Variants in NRG3 observed in about 807,000 individuals in gnomAD.
The protein encoded by NRG3 is pro-neuregulin-3, membrane-bound isoform.
A neutral mutation model predicts 66.9 loss-of-function variants in NRG3; 31 were observed. That is an observed-to-expected ratio of 0.46 (90% CI 0.35 to 0.63). The LOEUF is 0.63. NRG3 is among the 20% of genes least tolerant of loss of function. The pLI is 0.00. For missense variants in NRG3, 910 were observed against 878.9 expected (o/e 1.04, Z -0.45); for synonymous variants, 393 against 359.4 (o/e 1.09, Z -1.06).
At chr10:82,212,827 TGC>T (rs2075467087) in intron 1 of NRG3, among the ~76,000 whole-genome samples, 1 of 152,216 alleles carries the variant, frequency 6.6e-6, no homozygotes, top group African/African-American at 2.4e-5. Flanking sequence ...ACATCTGATG[TGC>T]ATTATGAAAC....
Position 82,133,123 on chromosome 10 carries a change from T to C in NRG3, c.824-225616T>C, listed in dbSNP as rs190092397. 3.8e-4 allele frequency among the ~76,000 whole-genome samples: 57 copies of C among 151,884 alleles called. No individual in the cohort carries two copies. In the East Asian group the frequency reaches 0.011, roughly 28 times the overall value. On this transcript the variant is annotated intron_variant, in intron 1 of 8. Transcript: ENST00000372141. ...ATTTTAGATTTTGTTTGTTCTTGCT[T>C]TTCTATTTCTTTAAAATGCATCATT...
intron 1 of NRG3, among the ~76,000 whole-genome samples, chr10:82,243,565 C>T (rs906493771): frequency 6.6e-6 from 1 of 152,086 alleles, no homozygotes; most frequent in Non-Finnish European, 1.5e-5. Flanking sequence ...CTCAAAATGA[C>T]TTTACACTTT....
intron 2 of NRG3, among the ~76,000 whole-genome samples, chr10:82,591,452 T>G (rs1364402387): frequency 2.0e-5 from 3 of 152,202 alleles, no homozygotes; most frequent in Non-Finnish European, 4.4e-5. Flanking sequence ...ATCAACGAGT[T>G]AGTAAAGCTT....
chr10:82,311,652 T>C (rs1262295244), intron 1 of NRG3, among the ~76,000 whole-genome samples: 4 of 152,178 alleles, frequency 2.6e-5, no homozygotes, highest in African/African-American at 4.8e-5. Context: ...TGCTGACCGA[T>C]ATTTACCAAG....
At chr10:82,512,889 T>C (rs1300355260) in intron 2 of NRG3, among the ~76,000 whole-genome samples, 1 of 152,212 alleles carries the variant, frequency 6.6e-6, no homozygotes, top group Non-Finnish European at 1.5e-5. Flanking sequence ...AAGATACCAA[T>C]AATTGTATTT....
chr10:82,425,188 G>A (rs2089343645), intron 2 of NRG3, among the ~76,000 whole-genome samples: 1 of 152,042 alleles, frequency 6.6e-6, no homozygotes, highest in Non-Finnish European at 1.5e-5. Context: ...AGGCCAGCTG[G>A]GGTTACAGTA....
chr10:82,582,292 G>C (rs191360494), intron 2 of NRG3, among the ~76,000 whole-genome samples: 4 of 152,174 alleles, frequency 2.6e-5, no homozygotes, highest in Non-Finnish European at 1.5e-5. Flanking sequence ...AAAATGGGAG[G>C]TAAGGATACA....
intron 2 of NRG3, among the ~76,000 whole-genome samples, chr10:82,480,995 A>G (rs967409214): frequency 2.0e-5 from 3 of 152,088 alleles, no homozygotes; most frequent in African/African-American, 7.2e-5. Context: ...CTCTCTTACT[A>G]TCCAAAGTAT....
chr10:82,355,724 A>T (rs2083732837), intron 1 of NRG3, among the ~76,000 whole-genome samples: 1 of 152,112 alleles, frequency 6.6e-6, no homozygotes, highest in African/African-American at 2.4e-5. Flanking sequence ...CAAGAATAAA[A>T]TTTCACCTCA....
At chr10:82,531,133 C>T (rs1210330589) in intron 2 of NRG3, among the ~76,000 whole-genome samples, 4 of 151,026 alleles carry the variant, frequency 2.6e-5, no homozygotes, top group Admixed American at 1.3e-4. Flanking sequence ...AGTATTTTCT[C>T]AATTAAAGAC....
intron 4 of NRG3, among the ~76,000 whole-genome samples, chr10:82,930,998 A>G (rs1847522074): frequency 6.6e-6 from 1 of 152,188 alleles, no homozygotes; most frequent in South Asian, 2.1e-4. Context: ...GGATGCACTG[A>G]CAGGAGCCTG....
intron 1 of NRG3, among the ~76,000 whole-genome samples, chr10:82,318,291 G>A (rs1353851758): frequency 6.6e-6 from 1 of 152,088 alleles, no homozygotes; most frequent in Non-Finnish European, 1.5e-5. Flanking sequence ...CCAGTTCCCA[G>A]CTTGACCCTT....
At chr10:82,642,072 T>C (rs2050620968) in intron 2 of NRG3, among the ~76,000 whole-genome samples, 2 of 152,154 alleles carry the variant, frequency 1.3e-5, no homozygotes, top group African/African-American at 4.8e-5. Context: ...TGTGCATATT[T>C]TCTAGCTCCC....
intron 2 of NRG3, among the ~76,000 whole-genome samples, chr10:82,400,110 G>A (rs992122747): frequency 2.6e-5 from 4 of 152,004 alleles, no homozygotes; most frequent in East Asian, 1.9e-4. Flanking sequence ...AGAAAGCAAA[G>A]CATAGATAAC....
intron 1 of NRG3, among the ~76,000 whole-genome samples, chr10:82,001,749 G>A (rs1658922446): frequency 6.6e-6 from 1 of 152,094 alleles, no homozygotes; most frequent in African/African-American, 2.4e-5. Flanking sequence ...CCCAAATTAA[G>A]AAGCTAAGAG....
intron 1 of NRG3, among the ~76,000 whole-genome samples, chr10:81,916,149 G>C (rs1845686867): frequency 6.6e-6 from 1 of 152,000 alleles, no homozygotes; most frequent in Non-Finnish European, 1.5e-5. Context: ...GTTCGGACTA[G>C]CCATGTTTCA....
At chr10:82,518,582 T>C (rs1381075271) in intron 2 of NRG3, among the ~76,000 whole-genome samples, 1 of 152,196 alleles carries the variant, frequency 6.6e-6, no homozygotes. Flanking sequence ...ATATTTTATT[T>C]GGCCTTACAC....
chr10:82,260,538 T>C (rs1589504337), intron 1 of NRG3, among the ~76,000 whole-genome samples: 1 of 152,056 alleles, frequency 6.6e-6, no homozygotes, highest in Admixed American at 6.6e-5. Flanking sequence ...CACCAAGAGG[T>C]TTGCCATTTA....
At chr10:82,085,484 G>A (rs552538929) in intron 1 of NRG3, among the ~76,000 whole-genome samples, 5 of 152,144 alleles carry the variant, frequency 3.3e-5, no homozygotes, top group East Asian at 1.9e-4. Flanking sequence ...GAGGGCCTTC[G>A]TGTGAGGGCA....
Sources: allele counts gnomAD v4.1 joint callset (sites outside exome capture counted in the v4.1 genomes callset), GRCh38; gene constraint gnomAD v4.1.1; transcripts MANE v1.5; gene names NCBI Gene and HGNC (gene_info 2026-07-23, HGNC 2026-07-21).